BICRAL: variants seen among roughly 807,000 people sequenced by gnomAD.
BICRAL encodes the protein BICRA like chromatin remodeling complex associated protein.
A neutral mutation model predicts 91.8 loss-of-function variants in BICRAL; 8 were observed. The ratio of observed to expected loss-of-function variants is 0.09; its 90% CI spans 0.05 to 0.16. BICRAL has a LOEUF of 0.16. BICRAL is among the 10% of genes least tolerant of loss of function. The pLI is 1.00. For synonymous variants in BICRAL, 445 were observed against 491.1 expected, an observed-to-expected ratio of 0.91 and a Z score of 1.24; for missense variants, 1,038 against 1,310.9, an observed-to-expected ratio of 0.79 and a Z score of 3.21.
intron 9 of BICRAL, 49 bp downstream of exon 9, chr6:42,855,966 T>A: frequency 1.5e-6 from 2 of 1,378,064 alleles, no homozygotes; most frequent in Non-Finnish European, 2.1e-6. Context: ...CTTCTTTGGG[T>A]CCCTAGCCTT....
chr6:42,778,298 G>A (rs1762830346), upstream of BICRAL, among the ~76,000 whole-genome samples: 1 of 152,156 alleles, frequency 6.6e-6, no homozygotes, highest in Admixed American at 6.5e-5. Flanking sequence ...TCCTTTTCAG[G>A]CCTGACAGAG....
At chr6:42,842,501 C>T (rs1764830312) in intron 6 of BICRAL, among the ~76,000 whole-genome samples, 1 of 152,136 alleles carries the variant, frequency 6.6e-6, no homozygotes, top group African/African-American at 2.4e-5. Flanking sequence ...CCACTTCCAC[C>T]AGGCTGATCC....
rs1365370764 is a variant in BICRAL, at chr6:42,862,584, A to G, written c.2424A>G (p.Arg808=). The G allele has an allele frequency of 5.6e-6, 9 of 1,609,636 alleles. No homozygotes were observed. Among genetic ancestry groups the G allele is most frequent in the Non-Finnish European group, 4.3e-6 (5 of 1,176,026 alleles). The change falls in exon 12 of 13, where the codon CGA becomes CGG. Residue 808 remains arginine, a synonymous_variant. Transcript: ENST00000314073. ...FNQEERASLS[R]DKRLALVDPE... ...AGGAGGAAAGAGCTTCCCTGTCCCG[A>G]GACAAGCGTTTGGCACTTGTAGACC...
At chr6:42,834,105 C>T (rs745778122) in intron 6 of BICRAL, among the ~76,000 whole-genome samples, 52 of 152,212 alleles carry the variant, frequency 3.4e-4, no homozygotes, top group Admixed American at 2.6e-4. Flanking sequence ...CTGCCTGATT[C>T]GGCCTCCCGG....
intron 2 of BICRAL, among the ~76,000 whole-genome samples, chr6:42,815,328 T>C (rs560682517): frequency 2.2e-4 from 33 of 151,738 alleles, no homozygotes; most frequent in African/African-American, 8.0e-4. Flanking sequence ...TAGATAGGAT[T>C]ACAGGCATCC....
intron 1 of BICRAL, among the ~76,000 whole-genome samples, chr6:42,772,099 T>C (rs1487600589): frequency 6.6e-6 from 1 of 152,172 alleles, no homozygotes; most frequent in African/African-American, 2.4e-5. Flanking sequence ...GCAATGTTTT[T>C]CAAATGGGGT....
chr6:42,788,515 C>A (rs1411960660), intron 1 of BICRAL, among the ~76,000 whole-genome samples: 1 of 152,170 alleles, frequency 6.6e-6, no homozygotes, highest in Non-Finnish European at 1.5e-5. Flanking sequence ...AGCCACCATG[C>A]CTGGCCGGGA....
At chr6:42,758,366 C>A (rs1425047445) in intron 1 of BICRAL, among the ~76,000 whole-genome samples, 1 of 152,166 alleles carries the variant, frequency 6.6e-6, no homozygotes, top group Non-Finnish European at 1.5e-5. Context: ...TGCATCTGGC[C>A]CGCGGTGTAC....
rs751674434 is a variant in BICRAL, at chr6:42,828,502, C to G, written c.169C>G (p.Pro57Ala). ...SIFANSSNAD[P>A]KSSLKGVSNQ... ...CTGTTTATTTTTTTAGAATGCTGAT[C>G]CTAAGTCATCCCTCAAAGGTGTAAG... Residue 57 changes from proline to alanine, a missense_variant, in exon 6 of 13, where the codon CCT becomes GCT. Coordinates refer to ENST00000314073, the MANE Select transcript of BICRAL (RefSeq NM_001393499.1). 6.2e-7 allele frequency: 1 copy of G among 1,610,706 alleles called. No homozygotes were observed. The highest frequency in any genetic ancestry group is 8.5e-7 in the Non-Finnish European group (1 of 1,178,518).
intron 1 of BICRAL, among the ~76,000 whole-genome samples, chr6:42,796,952 G>A (rs1263517877): frequency 6.6e-6 from 1 of 151,520 alleles, no homozygotes; most frequent in Non-Finnish European, 1.5e-5. Context: ...GACTGAGGCA[G>A]GAGAATCACT....
At chr6:42,825,015 C>T (rs1225102360) in intron 5 of BICRAL, among the ~76,000 whole-genome samples, 3 of 152,208 alleles carry the variant, frequency 2.0e-5, no homozygotes, top group African/African-American at 7.2e-5. Flanking sequence ...AATCCCAACA[C>T]TTTGGGAGGC....
At chr6:42,750,667 C>G (rs1762363376) in intron 1 of BICRAL, among the ~76,000 whole-genome samples, 1 of 152,062 alleles carries the variant, frequency 6.6e-6, no homozygotes, top group Non-Finnish European at 1.5e-5. Context: ...CCTCCACCTC[C>G]TGGGTTCAAG....
In BICRAL at chr6:42,853,705, A is replaced by G; in HGVS notation, c.2013A>G (p.Val671=). ...LGTAQPQQEK[V]VGSSPGHPAV... The stretch of plus-strand genomic sequence containing the variant: ...CCGCACAACCACAGCAGGAAAAAGT[A>G]GTTGGATCATCTCCTGGCCATCCAG... Residue 671 remains valine (V), a synonymous_variant, in exon 8 of 13, where the codon GTA becomes GTG. Coordinates refer to ENST00000314073, the MANE Select transcript of BICRAL (RefSeq NM_001393499.1). 6.2e-7 allele frequency: 1 copy of G among 1,613,826 alleles called. No individual in the cohort carries two copies.
At chr6:42,763,088 C>T (rs910944148) in intron 1 of BICRAL, among the ~76,000 whole-genome samples, 2 of 152,166 alleles carry the variant, frequency 1.3e-5, no homozygotes, top group African/African-American at 2.4e-5. Flanking sequence ...GGTGAATGAG[C>T]CCAAAGGTCA....
intron 7 of BICRAL, among the ~76,000 whole-genome samples, chr6:42,853,301 T>C (rs1765253018): frequency 1.3e-5 from 2 of 152,020 alleles, no homozygotes; most frequent in South Asian, 2.1e-4. Context: ...TCTTTGGGCC[T>C]CCCTTTCCTT....
chr6:42,776,352 A>AT lies in BICRAL; in HGVS notation c.-260-5480dup, dbSNP rs1394695516. Among the ~76,000 whole-genome samples the AT allele has an allele frequency of 1.8e-3, 250 of 138,858 alleles. 1 individual carries two copies. The highest frequency in any genetic ancestry group is 6.2e-3 in the African/African-American group (231 of 36,978). 91.1% of individuals were successfully genotyped at this position (138,858 alleles called of 152,430 possible). On this transcript the variant is annotated intron_variant, in intron 1 of 14. Coordinates refer to the BICRAL transcript ENST00000614467. The stretch of plus-strand genomic sequence containing the variant: ...GAGCCCGGCCCTTATTTTTATTATT[A>AT]TTTTTTTATTTTTGAGACAGGGTCT...
chr6:42,748,786 A>G (rs1762331080), intron 1 of BICRAL, among the ~76,000 whole-genome samples: 1 of 152,186 alleles, frequency 6.6e-6, no homozygotes, highest in African/African-American at 2.4e-5. Flanking sequence ...ATGGAGATAA[A>G]GCTGTTTCTG....
chr6:42,831,637 A>G (rs1764482486), intron 6 of BICRAL, among the ~76,000 whole-genome samples: 1 of 152,040 alleles, frequency 6.6e-6, no homozygotes, highest in Non-Finnish European at 1.5e-5. Context: ...GACCCATGCC[A>G]TACCCTACTT....
Position 42,808,944 on chromosome 6 carries a change from C to A in BICRAL, c.-101-1362C>A, listed in dbSNP as rs79202316. 6.1e-3 allele frequency among the ~76,000 whole-genome samples: 926 copies of A among 152,082 alleles called. 11 individuals carry two copies. Among genetic ancestry groups the A allele is most frequent in the African/African-American group, 0.022 (895 of 41,486 alleles). On this transcript the variant is annotated intron_variant, in intron 1 of 12. Transcript: ENST00000314073. ...CCCTGTGTCTCCAGCCTCTGTAAAG[C>A]CTTGCCAGAAATTCTCCCCAGCCCC... is the stretch of plus-strand genomic sequence containing the variant.
Sources: gnomAD v4.1 joint callset for allele counts (sites outside exome capture counted in the v4.1 genomes callset) on GRCh38, gnomAD v4.1.1 for gene constraint, MANE v1.5 for transcripts, NCBI Gene and HGNC (gene_info 2026-07-23, HGNC 2026-07-21) for gene names.